The following ACOX1 variants were observed in gnomAD, a reference collection of about 807,000 sequenced individuals.
ACOX1 encodes acyl-CoA oxidase 1, also known as peroxisomal acyl-coenzyme A oxidase 1.
In ACOX1, 41 loss-of-function variants were observed where a neutral mutation model predicts 75.5. The ratio of observed to expected loss-of-function variants is 0.54; its 90% CI spans 0.42 to 0.70. The LOEUF (loss-of-function observed/expected upper bound fraction) is 0.70, where lower values mean the gene tolerates loss of function less well. ACOX1 is among the 30% of genes least tolerant of loss of function. The pLI is 0.00. For synonymous variants in ACOX1, 303 were observed against 298.8 expected, an observed-to-expected ratio of 1.01 and a Z score of -0.15; for missense variants, 630 against 837.5, an observed-to-expected ratio of 0.75 and a Z score of 3.06.
Position 75,949,906 on chromosome 17 carries a change from C to A in ACOX1, c.1299-9G>T. The A allele has an allele frequency of 6.2e-6, 10 of 1,614,084 alleles. No individual in the cohort carries two copies. Among genetic ancestry groups the A allele is most frequent in the South Asian group, 1.1e-5 (1 of 91,058 alleles). Reference sequence around the variant, plus strand: ...AACTTTTCATCAGGAACCTAAAAGTCACCAGTAAACATGCTTTTAGTAACT... The same window carrying A: ...AACTTTTCATCAGGAACCTAAAAGTAACCAGTAAACATGCTTTTAGTAACT... On this transcript the variant is annotated splice_polypyrimidine_tract_variant and intron_variant, in intron 9 of 13. Coordinates refer to ENST00000293217, the MANE Select transcript of ACOX1 (RefSeq NM_004035.7).
In ACOX1 at chr17:75,948,138, A is replaced by G. The variant is rs1197284782; in HGVS notation, c.1935+113T>C. 1.4e-5 allele frequency: 14 copies of G among 1,030,658 alleles called. No individual in the cohort carries two copies. The East Asian group carries it at 3.2e-4, about 23-fold the overall frequency. The allele number at this position is 1,030,658 out of a possible 1,614,324, so 63.8% of individuals were successfully genotyped here. A position where few individuals can be genotyped will look rare whatever the true frequency, so the allele number is the denominator to read the frequency against. On this transcript the variant is annotated intron_variant, in intron 13 of 13. Transcript: ENST00000293217. ...TTGCTCAAATAAAGTGACTGTCAGA[A>G]GTGGCCATGGTACTTTCAGAGCTTT...
chr17:75,948,263 C>T lies in ACOX1; in HGVS notation c.1923G>A (p.Leu641=), dbSNP rs757981133. The T allele has an allele frequency of 3.1e-6, 5 of 1,614,082 alleles. No homozygotes were observed. The highest frequency in any genetic ancestry group is 2.5e-6 in the Non-Finnish European group (3 of 1,179,996). Residue 641 remains leucine, a synonymous_variant, in exon 13 of 14, where the codon CTG becomes CTA. Transcript: ENST00000293217. ...NLFEWAKNSP[L]NKAEVHESYK... ...ACTGGATTTTTACCTCTGCTTTGTT[C>T]AGTGGGGAGTTCTTAGCCCACTCAA... is the stretch of plus-strand genomic sequence containing the variant.
At chr17:75,970,540 G>A (rs549924435) in intron 2 of ACOX1, among the ~76,000 whole-genome samples, 73 of 152,300 alleles carry the variant, frequency 4.8e-4, no homozygotes, top group African/African-American at 1.7e-3. Context: ...GATAATGCTG[G>A]TGACTGAGAC....
chr17:75,950,805 C>T lies in ACOX1; in HGVS notation c.1267G>A (p.Glu423Lys). ...GTCTGGAGCATCATGACAGTGTTTT[C>T]TCCCTCAAAGGTACAGCTTGGGGTG... ...NFTPSCTFEG[E>K]NTVMMLQTAR... Residue 423 changes from glutamate (E) to lysine (K), a missense_variant, in exon 9 of 14, where the codon GAA (glutamate) becomes AAA (lysine). Physicochemically the swap from Glu to Lys is moderately conservative, Grantham distance 56. Coordinates refer to ENST00000293217, the MANE Select transcript of ACOX1 (RefSeq NM_004035.7). This position sits in a 1 kb window ranked among gnomAD's most constrained non-coding sequence, Gnocchi z 4.3. 1 of 1,614,152 alleles carries T rather than the reference C, an allele frequency of 6.2e-7. No homozygotes were observed. Among genetic ancestry groups the T allele is most frequent in the East Asian group, 2.2e-5 (1 of 44,892 alleles).
chr17:75,950,167 G>A lies in ACOX1; in HGVS notation c.1299-270C>T, dbSNP rs1175162833. 1.3e-5 allele frequency among the ~76,000 whole-genome samples: 2 copies of A among 151,434 alleles called. No homozygotes were observed. Among genetic ancestry groups the A allele is most frequent in the African/African-American group, 4.9e-5 (2 of 41,194 alleles). ...GGGTTTTACCATGTTGGCCAGGCTG[G>A]TCTCTTAACTCCTGACCTCAAGTGA... On this transcript the variant is annotated intron_variant, in intron 9 of 13. Coordinates refer to ENST00000293217, the MANE Select transcript of ACOX1 (RefSeq NM_004035.7). The surrounding 1 kb of genome is among the most constrained non-coding windows in gnomAD (Gnocchi z 4.3).
At chr17:75,947,346 C>G (rs1475554065) in intron 13 of ACOX1, among the ~76,000 whole-genome samples, 1 of 151,454 alleles carries the variant, frequency 6.6e-6, no homozygotes, top group Admixed American at 6.6e-5. Flanking sequence ...CTCCCAGGCT[C>G]AAGCAATTCT....
chr17:75,975,907 GAGAAAGAGAA>G (rs1421957123), intron 2 of ACOX1, among the ~76,000 whole-genome samples: 1 of 148,798 alleles, frequency 6.7e-6, no homozygotes, highest in Non-Finnish European at 1.5e-5. Flanking sequence ...GAAAGAGGAA[GAGAAAGAGAA>G]AGAAAAAGAA....
At position 75,953,753 on chromosome 17, in the gene ACOX1, T is replaced by C. The variant is rs2065796209; in HGVS notation, c.775-133A>G. On this transcript the variant is annotated intron_variant, in intron 6 of 13. Transcript: ENST00000293217. The stretch of plus-strand genomic sequence containing the variant: ...ACTTGCATGAAATACTACATCTTAG[T>C]CCCCACCCTGACCAACTGAATCAGA... 4 of 1,065,756 alleles carry C rather than the reference T, an allele frequency of 3.8e-6. No homozygotes were observed. The African/African-American group carries it at 6.2e-5, about 17-fold the overall frequency. 66.0% of individuals were successfully genotyped at this position (1,065,756 alleles called of 1,614,324 possible).
chr17:75,957,621 C>T (rs1006270780), intron 3 of ACOX1, 55 bp from the exon 4 acceptor site: 2 of 1,430,108 alleles, frequency 1.4e-6, no homozygotes, highest in Non-Finnish European at 2.0e-6. Flanking sequence ...AAAATAGGCA[C>T]AAGGAAAAAT....
chr17:75,978,390 G>A lies in ACOX1; in HGVS notation c.269+144C>T, dbSNP rs1158147161. 4 of 1,172,252 alleles carry A rather than the reference G, an allele frequency of 3.4e-6. No individual in the cohort carries two copies. The highest frequency in any genetic ancestry group is 1.9e-5 in the Admixed American group (1 of 52,998). 72.6% of individuals were successfully genotyped at this position (1,172,252 alleles called of 1,614,324 possible). The stretch of plus-strand genomic sequence containing the variant: ...TTACAGGCGTGAGCCACCGCGCCCG[G>A]CCACACATATAACTTTATAAAGTTG... On this transcript the variant is annotated intron_variant, in intron 2 of 13. Transcript: ENST00000293217. The surrounding 1 kb of genome is among the most constrained non-coding windows in gnomAD (Gnocchi z 4.2).
At chr17:75,963,655 G>A (rs1347659491) in intron 2 of ACOX1, among the ~76,000 whole-genome samples, 1 of 151,072 alleles carries the variant, frequency 6.6e-6, no homozygotes, top group Non-Finnish European at 1.5e-5. Flanking sequence ...CGGAGATCGT[G>A]CCACTGAACT....
chr17:75,960,163 G>A lies in ACOX1; in HGVS notation c.430+52C>T, dbSNP rs2065874182. On this transcript the variant is annotated intron_variant, in intron 3 of 13. Transcript: ENST00000293217. This position sits in a 1 kb window ranked among gnomAD's most constrained non-coding sequence, Gnocchi z 4.4. ...GCACATGGTGGGCACTCCACACATGGTAAGCTCACAGGGGCCCGCCCAACC... is the reference window on the plus strand; with the variant it reads ...GCACATGGTGGGCACTCCACACATGATAAGCTCACAGGGGCCCGCCCAACC... The A allele has an allele frequency of 6.2e-7, 1 of 1,610,550 alleles. No individual in the cohort carries two copies. The highest frequency in any genetic ancestry group is 1.3e-5 in the African/African-American group (1 of 74,856).
chr17:75,961,448 C>T (rs2065886968), intron 2 of ACOX1, among the ~76,000 whole-genome samples: 3 of 133,830 alleles, frequency 2.2e-5, no homozygotes, highest in African/African-American at 2.8e-5. Context: ...AGTGAAATCC[C>T]GTTTCTACTA....
At position 75,942,532 on chromosome 17, in the gene ACOX1, TGGA is replaced by T. The variant is rs2065682034; in HGVS notation, c.*4213_*4215del. 6.6e-6 allele frequency: 1 copy of T among 151,132 alleles called. No homozygotes were observed. Among genetic ancestry groups the T allele is most frequent in the Admixed American group, 6.6e-5 (1 of 15,132 alleles). The allele number at this position is 151,132 out of a possible 1,614,324, so 9.4% of individuals were successfully genotyped here. A position where few individuals can be genotyped will look rare whatever the true frequency, so the allele number is the denominator to read the frequency against. ...GTGACTTGTTCTAATCCTCCAAGAA[TGGA>T]GTAGTAAAGAAACAGCAGAAATGAC... On this transcript the variant is annotated 3_prime_UTR_variant, in exon 14 of 14. Transcript: ENST00000293217.
rs1246316916 is a variant in ACOX1, at chr17:75,979,146, G to C, written c.-73C>G. 8.9e-6 allele frequency: 14 copies of C among 1,576,150 alleles called. No homozygotes were observed. Among genetic ancestry groups the C allele is most frequent in the Non-Finnish European group, 1.2e-5 (14 of 1,166,364 alleles). The stretch of plus-strand genomic sequence containing the variant: ...GACAATCTAAATCCGCAGCTCCAGC[G>C]CCGGCCGGACCCTAGGAGGCAGCCT... On this transcript the variant is annotated 5_prime_UTR_variant, in exon 1 of 14. Transcript: ENST00000293217.
chr17:75,947,876 C>A (rs2065736547), intron 13 of ACOX1, among the ~76,000 whole-genome samples: 2 of 151,954 alleles, frequency 1.3e-5, no homozygotes, highest in Admixed American at 6.6e-5. Context: ...CCATTACTGC[C>A]TGGCTGCTTT....
intron 2 of ACOX1, among the ~76,000 whole-genome samples, chr17:75,962,661 A>G (rs2065897333): frequency 6.6e-6 from 1 of 152,236 alleles, no homozygotes. Context: ...ATCACACTTT[A>G]GAAAAAGAAA....
At chr17:75,965,062 C>T (rs1032793625) in intron 2 of ACOX1, among the ~76,000 whole-genome samples, 5 of 152,074 alleles carry the variant, frequency 3.3e-5, no homozygotes, top group Admixed American at 1.3e-4. Context: ...AGCACTCAGG[C>T]GTGGTGGCTC....
rs1598206101 is a variant in ACOX1 at position 75,978,391 on chromosome 17, C to G, written c.269+143G>C. 1 of 1,182,676 alleles carries G rather than the reference C, an allele frequency of 8.5e-7. No homozygotes were observed. Among genetic ancestry groups the G allele is most frequent in the East Asian group, 2.5e-5 (1 of 39,736 alleles). 73.3% of individuals were successfully genotyped at this position (1,182,676 alleles called of 1,614,324 possible). ...TACAGGCGTGAGCCACCGCGCCCGG[C>G]CACACATATAACTTTATAAAGTTGC... On this transcript the variant is annotated intron_variant, in intron 2 of 13. Transcript: ENST00000293217. This position sits in a 1 kb window ranked among gnomAD's most constrained non-coding sequence, Gnocchi z 4.2.
Sources: gnomAD v4.1 joint callset for allele counts (sites outside exome capture counted in the v4.1 genomes callset) on GRCh38, gnomAD v4.1.1 for gene constraint, Gnocchi (gnomAD v3.1) non-coding constraint, MANE v1.5 for transcripts, NCBI Gene and HGNC (gene_info 2026-07-23, HGNC 2026-07-21) for gene names.